The following ABCC12 variants were observed in gnomAD, a reference collection of about 807,000 sequenced individuals.
ABCC12 encodes ATP-binding cassette sub-family C member 12.
A neutral mutation model predicts 151.1 loss-of-function variants in ABCC12; 142 were observed. The ratio of observed to expected loss-of-function variants is 0.94; its 90% CI spans 0.82 to 1.08. The LOEUF is 1.08. Among genes scored for constraint, ABCC12 ranks in the 50% least tolerant of loss-of-function variants. The pLI, the probability that ABCC12 is intolerant of heterozygous loss-of-function variation, is 0.00. For synonymous variants in ABCC12, 645 were observed against 646.4 expected (o/e 1.00, Z 0.03); for missense variants, 1,638 against 1,691.1 (o/e 0.97, Z 0.55).
intron 25 of ABCC12, 151 bp downstream of exon 25, chr16:48,090,969 C>A: frequency 2.8e-6 from 2 of 717,660 alleles, no homozygotes; most frequent in Non-Finnish European, 4.8e-6. Context: ...CCTCGGCCTC[C>A]CAAAGTGCTG....
Position 48,117,333 on chromosome 16 carries a change from C to G in ABCC12, c.1713G>C (p.Arg571Ser). 1 of 1,613,568 alleles carries G rather than the reference C, an allele frequency of 6.2e-7. No individual in the cohort carries two copies. The highest frequency in any genetic ancestry group is 8.5e-7 in the Non-Finnish European group (1 of 1,179,870). The change falls in exon 14 of 31, where the codon AGG (arginine) becomes AGC (serine). Residue 571 changes from arginine to serine, a missense_variant and splice_region_variant. By Grantham distance (110) the Arg-to-Ser change is moderately radical. Coordinates refer to ENST00000311303, the MANE Select transcript of ABCC12 (RefSeq NM_001393797.1). ...CACAGACGCGGACTGTGTGCTGATA[C>G]CTGTTGGTGCAAAGCTCAGAAGTAG... Reference protein sequence around the residue: ...ILFGEKYDHQRYQHTVRVCGL... With the variant: ...ILFGEKYDHQSYQHTVRVCGL...
At position 48,096,780 on chromosome 16, in the gene ABCC12, G is replaced by A; in HGVS notation, c.3161C>T (p.Ser1054Leu). 1 of 1,614,086 alleles carries A rather than the reference G, an allele frequency of 6.2e-7. No homozygotes were observed. The highest frequency in any genetic ancestry group is 8.5e-7 in the Non-Finnish European group (1 of 1,179,930). Reference sequence around the variant, plus strand: ...GTATGACAATGACAGGCCTTTGGATGAAGTACTGATGGAGGAGAAACTCAG... The same window carrying A: ...GTATGACAATGACAGGCCTTTGGATAAAGTACTGATGGAGGAGAAACTCAG... ...VTLSFSSISTSSKGLSLSYII... is the reference protein window; with the variant it reads ...VTLSFSSISTLSKGLSLSYII... The change falls in exon 24 of 31, where the codon TCA becomes TTA. Residue 1054 changes from serine to leucine, a missense_variant. Coordinates refer to ENST00000311303, the MANE Select transcript of ABCC12 (RefSeq NM_001393797.1).
At chr16:48,091,294 G>A (rs1236099421) in intron 24 of ABCC12, 85 bp from the exon 25 acceptor site, 1 of 1,186,736 alleles carries the variant, frequency 8.4e-7, no homozygotes, top group Non-Finnish European at 1.3e-6. Context: ...CAGTCCTAGT[G>A]AATGATCCCT....
chr16:48,153,462 G>A (rs1567460634), intron 2 of ABCC12, among the ~76,000 whole-genome samples, 154 bp downstream of exon 2: 1 of 152,098 alleles, frequency 6.6e-6, no homozygotes, highest in Non-Finnish European at 1.5e-5. Context: ...ATCCTCCACT[G>A]ATGTCCTCTT....
chr16:48,098,090 G>GACAC (rs66949388), intron 23 of ABCC12, among the ~76,000 whole-genome samples: 3,485 of 121,922 alleles, frequency 0.029, 73 homozygotes, highest in East Asian at 0.058. Flanking sequence ...TGCCCCACCT[G>GACAC]ACACACACAC....
chr16:48,080,942 G>A lies in ABCC12; in HGVS notation c.*2773C>T, dbSNP rs986685513. Among the ~76,000 whole-genome samples, 3 of 152,186 alleles carry A rather than the reference G, an allele frequency of 2.0e-5. No homozygotes were observed. Among genetic ancestry groups the A allele is most frequent in the Non-Finnish European group, 2.9e-5 (2 of 68,036 alleles). On this transcript the variant is annotated 3_prime_UTR_variant, in exon 31 of 31. Transcript: ENST00000311303. Reference sequence around the variant, plus strand: ...TCTGGACGCTGGGAAATCCATGGTCGAGGTGCCAACAGATTTGGTGTTGAG... The same window carrying A: ...TCTGGACGCTGGGAAATCCATGGTCAAGGTGCCAACAGATTTGGTGTTGAG...
intron 9 of ABCC12, among the ~76,000 whole-genome samples, chr16:48,132,578 T>C (rs1964464837): frequency 6.6e-6 from 1 of 152,234 alleles, no homozygotes; most frequent in Non-Finnish European, 1.5e-5. Context: ...CTTGGTTTAA[T>C]ATTTAGTTGG....
intron 9 of ABCC12, among the ~76,000 whole-genome samples, chr16:48,133,439 T>C (rs542360978): frequency 1.3e-5 from 2 of 151,530 alleles, no homozygotes; most frequent in East Asian, 3.9e-4. Flanking sequence ...GGCAGAAGAA[T>C]TGCTTGAACC....
chr16:48,130,162 T>C (rs1406636766), intron 10 of ABCC12, among the ~76,000 whole-genome samples: 1 of 152,218 alleles, frequency 6.6e-6, no homozygotes, highest in African/African-American at 2.4e-5. Flanking sequence ...TTCTTCCCTT[T>C]CCTCTCCTCA....
chr16:48,145,750 G>A (rs536400844), intron 3 of ABCC12, among the ~76,000 whole-genome samples: 2 of 152,296 alleles, frequency 1.3e-5, no homozygotes, highest in African/African-American at 4.8e-5. Context: ...GCCAACAGCC[G>A]GCCCACCTCC....
At chr16:48,135,128 C>T (rs1212391043) in intron 8 of ABCC12, among the ~76,000 whole-genome samples, 1 of 151,968 alleles carries the variant, frequency 6.6e-6, no homozygotes, top group Admixed American at 6.6e-5. Flanking sequence ...TACGATTTTG[C>T]CTGTAACTTC....
chr16:48,083,577 T>G lies in ABCC12; in HGVS notation c.*138A>C. The G allele has an allele frequency of 2.2e-6, 2 of 902,482 alleles. No individual in the cohort carries two copies. Among genetic ancestry groups the G allele is most frequent in the Non-Finnish European group, 3.4e-6 (2 of 583,922 alleles). 55.9% of individuals were successfully genotyped at this position (902,482 alleles called of 1,614,324 possible). ...GACTGAGTATGGCAGTGGGGACAAC[T>G]TCAGCCCCAGCTCACTCCGTGGATG... On this transcript the variant is annotated 3_prime_UTR_variant, in exon 31 of 31. Coordinates refer to ENST00000311303, the MANE Select transcript of ABCC12 (RefSeq NM_001393797.1).
chr16:48,139,473 G>A (rs1964731412), intron 6 of ABCC12, 137 bp from the exon 7 acceptor site: 3 of 820,932 alleles, frequency 3.7e-6, no homozygotes, highest in Admixed American at 3.0e-5. Flanking sequence ...GGTCACCGGG[G>A]ACCAATATGA....
chr16:48,131,659 A>G (rs1964430839), intron 9 of ABCC12, among the ~76,000 whole-genome samples: 1 of 152,104 alleles, frequency 6.6e-6, no homozygotes, highest in Non-Finnish European at 1.5e-5. Flanking sequence ...TCATCTTCTC[A>G]TCTGTCCAAA....
rs964975522 is a variant in ABCC12, at chr16:48,081,963, A to G, written c.*1752T>C. On this transcript the variant is annotated 3_prime_UTR_variant, in exon 31 of 31. Coordinates refer to ENST00000311303, the MANE Select transcript of ABCC12 (RefSeq NM_001393797.1). ...ACAGACTGCCCAGTCTGCTTGTCAT[A>G]TTGGGGAAGTTATCTTATGTCCATA... is the stretch of plus-strand genomic sequence containing the variant. 1.3e-5 allele frequency among the ~76,000 whole-genome samples: 2 copies of G among 152,086 alleles called. No homozygotes were observed. The highest frequency in any genetic ancestry group is 4.8e-5 in the African/African-American group (2 of 41,408).
At chr16:48,084,699 C>A (rs990045359) in intron 29 of ABCC12, among the ~76,000 whole-genome samples, 1 of 152,158 alleles carries the variant, frequency 6.6e-6, no homozygotes, top group African/African-American at 2.4e-5. Flanking sequence ...CTAGGATCAT[C>A]TCCCCATCTC....
chr16:48,109,819 G>C (rs1037591710), intron 18 of ABCC12, among the ~76,000 whole-genome samples: 11 of 152,242 alleles, frequency 7.2e-5, no homozygotes, highest in African/African-American at 2.4e-4. Context: ...GAGTGCCGCT[G>C]ATGCTCTGTT....
chr16:48,134,158 A>G (rs1024228985), intron 8 of ABCC12, among the ~76,000 whole-genome samples: 5 of 152,212 alleles, frequency 3.3e-5, no homozygotes, highest in Non-Finnish European at 7.3e-5. Context: ...AGAGGAGGGA[A>G]GACCAGAGCG....
chr16:48,101,542 C>T lies in ABCC12; in HGVS notation c.2901-533G>A, dbSNP rs190389966. Among the ~76,000 whole-genome samples, 584 of 151,506 alleles carry T rather than the reference C, an allele frequency of 3.9e-3. 6 individuals carry two copies. Among genetic ancestry groups the T allele is most frequent in the Non-Finnish European group, 6.2e-3 (416 of 67,410 alleles). On this transcript the variant is annotated intron_variant, in intron 22 of 30. Coordinates refer to ENST00000311303, the MANE Select transcript of ABCC12 (RefSeq NM_001393797.1). ...TGGAAGCTCCAGGAGCCCTGGTGAG[C>T]AGGAGACCAGGGACCTCGGGTGTTT...
Sources: allele counts gnomAD v4.1 joint callset (sites outside exome capture counted in the v4.1 genomes callset), GRCh38; gene constraint gnomAD v4.1.1; transcripts MANE v1.5; gene names NCBI Gene and HGNC (gene_info 2026-07-23, HGNC 2026-07-21).